Variants in NTN4 observed in about 807,000 individuals in gnomAD.
The protein encoded by NTN4 is netrin-4.
In NTN4, 32 loss-of-function variants were observed where a neutral mutation model predicts 73.6. The observed-to-expected ratio is 0.44, with a 90% CI of 0.33 to 0.58. NTN4 has a LOEUF of 0.58. NTN4 is among the 20% of genes least tolerant of loss of function. NTN4 has a pLI of 0.04. For missense variants in NTN4, 654 were observed against 798.3 expected, an observed-to-expected ratio of 0.82 and a Z score of 2.18; for synonymous variants, 258 against 287.5, an observed-to-expected ratio of 0.90 and a Z score of 1.04.
chr12:95,704,646 G>T (rs78771625), intron 5 of NTN4, among the ~76,000 whole-genome samples: 2,721 of 152,278 alleles, frequency 0.018, 46 homozygotes, highest in Non-Finnish European at 0.021. Flanking sequence ...GAGTACGTAG[G>T]TAGAGAGAAC....
chr12:95,780,172 T>C (rs2079122211), intron 2 of NTN4, among the ~76,000 whole-genome samples: 1 of 152,042 alleles, frequency 6.6e-6, no homozygotes, highest in South Asian at 2.1e-4. Flanking sequence ...AAGACTTAAA[T>C]GTTAGACCTA....
At chr12:95,700,756 T>C (rs1287142705) in intron 5 of NTN4, among the ~76,000 whole-genome samples, 3 of 151,952 alleles carry the variant, frequency 2.0e-5, no homozygotes, top group Non-Finnish European at 4.4e-5. Context: ...AGGAAGGTTA[T>C]TCTCTTTTTT....
chr12:95,725,007 T>G (rs76566119), intron 3 of NTN4, among the ~76,000 whole-genome samples: 1 of 47,904 alleles, frequency 2.1e-5, no homozygotes, highest in East Asian at 3.9e-4. Flanking sequence ...GTCATCAGGA[T>G]TTTTTTTTTT....
chr12:95,670,998 ATT>A, intron 7 of NTN4: 1 of 152,114 alleles, frequency 6.6e-6, no homozygotes, highest in South Asian at 2.1e-4. Flanking sequence ...GTATATATTT[ATT>A]TATTTATTTA....
At chr12:95,691,211 T>C (rs1337131400) in intron 5 of NTN4, among the ~76,000 whole-genome samples, 3 of 152,246 alleles carry the variant, frequency 2.0e-5, no homozygotes. Context: ...AATGCAAACA[T>C]ATTTTCTTCT....
chr12:95,676,035 C>T (rs1211688653), intron 7 of NTN4, among the ~76,000 whole-genome samples: 1 of 152,140 alleles, frequency 6.6e-6, no homozygotes, highest in Non-Finnish European at 1.5e-5. Flanking sequence ...AAGTTGCCCT[C>T]CTGGTTTTCA....
At chr12:95,751,757 G>A (rs1480461493) in intron 2 of NTN4, among the ~76,000 whole-genome samples, 1 of 148,486 alleles carries the variant, frequency 6.7e-6, no homozygotes, top group Non-Finnish European at 1.5e-5. Flanking sequence ...TCTATACGGA[G>A]GCTACCCACT....
chr12:95,698,569 G>T (rs1057000125), intron 5 of NTN4, among the ~76,000 whole-genome samples: 1 of 152,048 alleles, frequency 6.6e-6, no homozygotes. Context: ...TAAAGTTTTG[G>T]CTGGGTGTAG....
chr12:95,730,202 T>C (rs556101100), intron 3 of NTN4, among the ~76,000 whole-genome samples: 1 of 152,324 alleles, frequency 6.6e-6, no homozygotes, highest in South Asian at 2.1e-4. Flanking sequence ...GACCTAAATA[T>C]ATATGTTTTC....
At chr12:95,677,438 G>GA (rs78029674) in intron 7 of NTN4, among the ~76,000 whole-genome samples, 3 of 151,604 alleles carry the variant, frequency 2.0e-5, no homozygotes, top group African/African-American at 7.3e-5. Flanking sequence ...GCAGAGAATA[G>GA]AAAAAAAACG....
At chr12:95,736,990 C>T (rs185533065) in intron 3 of NTN4, among the ~76,000 whole-genome samples, 52 of 152,240 alleles carry the variant, frequency 3.4e-4, no homozygotes, top group African/African-American at 1.0e-3. Context: ...ATTCATTTTG[C>T]TTTGGTTTGC....
At chr12:95,662,976 G>C (rs1400009461) in intron 9 of NTN4, among the ~76,000 whole-genome samples, 2 of 152,008 alleles carry the variant, frequency 1.3e-5, no homozygotes, top group Non-Finnish European at 2.9e-5. Flanking sequence ...ACAAAAATTA[G>C]CTGGGTTTGG....
chr12:95,759,725 G>C (rs1393866213), intron 2 of NTN4, among the ~76,000 whole-genome samples: 2 of 152,046 alleles, frequency 1.3e-5, no homozygotes, highest in Non-Finnish European at 2.9e-5. Context: ...GTCTCCCAAA[G>C]TTCTGGGATT....
At chr12:95,670,261 C>T in intron 7 of NTN4, 115 bp from the exon 8 acceptor site, 7 of 500,492 alleles carry the variant, frequency 1.4e-5, no homozygotes, top group Admixed American at 1.2e-4. Context: ...GTGATGCATA[C>T]AGTGTAATCT....
At chr12:95,770,154 T>C (rs10777733) in intron 2 of NTN4, among the ~76,000 whole-genome samples, 64,734 of 151,966 alleles carry the variant, frequency 0.43, 14,346 homozygotes, top group African/African-American at 0.54. Context: ...TATTTAGTTT[T>C]CTTTAACAGA....
intron 2 of NTN4, chr12:95,740,091 A>C (rs767016336): frequency 1.3e-5 from 2 of 152,260 alleles, no homozygotes; most frequent in Non-Finnish European, 2.9e-5. Flanking sequence ...TGTGTGCTGG[A>C]AAGGAGACAG....
chr12:95,713,162 G>T, intron 4 of NTN4, 50 bp downstream of exon 4: 1 of 1,588,604 alleles, frequency 6.3e-7, no homozygotes, highest in Non-Finnish European at 8.6e-7. Context: ...GTCCACAGAT[G>T]CGTTGACTTT....
intron 5 of NTN4, among the ~76,000 whole-genome samples, chr12:95,708,204 G>A (rs1320348287): frequency 2.0e-5 from 3 of 151,354 alleles, no homozygotes; most frequent in Non-Finnish European, 4.4e-5. Flanking sequence ...CTGGCTTATA[G>A]GACATGACAG....
intron 5 of NTN4, among the ~76,000 whole-genome samples, chr12:95,693,346 T>G (rs1386664256): frequency 6.6e-6 from 1 of 152,076 alleles, no homozygotes; most frequent in Non-Finnish European, 1.5e-5. Context: ...CTTGCCTTTG[T>G]ATCAGAGAGG....
Sources: gnomAD v4.1 joint callset for allele counts (sites outside exome capture counted in the v4.1 genomes callset) on GRCh38, gnomAD v4.1.1 for gene constraint, MANE v1.5 for transcripts, NCBI Gene and HGNC (gene_info 2026-07-23, HGNC 2026-07-21) for gene names.